Variants in WNK2 observed in about 807,000 individuals in gnomAD.
WNK2 encodes the protein serine/threonine-protein kinase WNK2.
In WNK2, 67 loss-of-function variants were observed where a neutral mutation model predicts 192.1. The observed-to-expected ratio is 0.35, with a 90% CI of 0.29 to 0.43. The LOEUF is 0.43. Ranked by LOEUF, WNK2 falls within the 20% of genes least tolerant of loss-of-function variation. The pLI, the probability that WNK2 is intolerant of heterozygous loss-of-function variation, is 1.00. For synonymous variants in WNK2, 1,439 were observed against 1,393.9 expected (o/e 1.03, Z -0.72); for missense variants, 2,698 against 3,089.7 (o/e 0.87, Z 3.01).
intron 8 of WNK2, among the ~76,000 whole-genome samples, chr9:93,249,361 G>A (rs1842212204): frequency 6.6e-6 from 1 of 152,232 alleles, no homozygotes; most frequent in Admixed American, 6.5e-5. Context: ...TCGACTGACT[G>A]ATGATTGCAA....
intron 7 of WNK2, among the ~76,000 whole-genome samples, chr9:93,241,831 G>A (rs1348653019): frequency 6.6e-6 from 1 of 152,068 alleles, no homozygotes; most frequent in African/African-American, 2.4e-5. Flanking sequence ...TGAGGTCAGT[G>A]CAGGGAGCAG....
chr9:93,257,020 G>A lies in WNK2; in HGVS notation c.2263G>A (p.Val755Ile), dbSNP rs771924917. The A allele has an allele frequency of 3.1e-6, 5 of 1,602,794 alleles. No individual in the cohort carries two copies. Among genetic ancestry groups the A allele is most frequent in the East Asian group, 2.2e-5 (1 of 44,486 alleles). ...APQPVVPLQPVPPHLPPYLAP... is the reference protein window; with the variant it reads ...APQPVVPLQPIPPHLPPYLAP... Reference sequence around the variant, plus strand: ...ACAGCCCGTGGTCCCCCTCCAGCCGGTTCCCCCCCACCTGCCACCGTACCT... The same window carrying A: ...ACAGCCCGTGGTCCCCCTCCAGCCGATTCCCCCCCACCTGCCACCGTACCT... The change falls in exon 11 of 30, where the codon GTT (valine) becomes ATT (isoleucine). Residue 755 changes from valine to isoleucine, a missense_variant. Val to Ile is a conservative substitution (Grantham distance 29). Coordinates refer to ENST00000427277, the MANE Select transcript of WNK2 (RefSeq NM_006648.4). This position sits in a 1 kb window ranked among gnomAD's most constrained non-coding sequence, Gnocchi z 4.7.
At chr9:93,304,625 G>A (rs1225856763) in intron 26 of WNK2, among the ~76,000 whole-genome samples, 2 of 152,238 alleles carry the variant, frequency 1.3e-5, no homozygotes, top group Admixed American at 6.5e-5. Flanking sequence ...TCCTGGCACA[G>A]AGCGAGTGGC....
chr9:93,292,431 C>T (rs1849507934), intron 22 of WNK2, 35 bp downstream of exon 22: 2 of 1,613,838 alleles, frequency 1.2e-6, no homozygotes, highest in Admixed American at 1.7e-5. Context: ...GGCTGGTTGG[C>T]AGGGTTTGCT....
chr9:93,269,097 C>G (rs1564136041), intron 19 of WNK2: 12 of 741,408 alleles, frequency 1.6e-5, no homozygotes, highest in Non-Finnish European at 2.0e-5. Flanking sequence ...ACACCTGCAG[C>G]AGACACGCCT....
chr9:93,297,362 C>A (rs1850774853), intron 23 of WNK2, among the ~76,000 whole-genome samples: 1 of 152,174 alleles, frequency 6.6e-6, no homozygotes, highest in Admixed American at 6.5e-5. Context: ...TGTGGCATGG[C>A]CCCTGGAAGT....
In WNK2 at chr9:93,239,766, C is replaced by A. The variant is rs1313264461; in HGVS notation, c.1332C>A (p.Ile444=). The change falls in exon 7 of 30, where the codon ATC becomes ATA. Residue 444 remains isoleucine (I), a synonymous_variant. Coordinates refer to ENST00000427277, the MANE Select transcript of WNK2 (RefSeq NM_006648.4). This position sits in a 1 kb window ranked among gnomAD's most constrained non-coding sequence, Gnocchi z 4.2. ...GCTGCTCTCCCTCCAGGTACGAGAT[C>A]AAAGACCTGCTGAGCCACGCCTTCT... The part of the protein sequence containing the change: ...ICKNKEERYE[I]KDLLSHAFFA... 1 of 1,554,686 alleles carries A rather than the reference C, an allele frequency of 6.4e-7. No individual in the cohort carries two copies.
At chr9:93,266,455 A>G (rs568887615) in intron 16 of WNK2, among the ~76,000 whole-genome samples, 78 of 152,258 alleles carry the variant, frequency 5.1e-4, no homozygotes, top group Non-Finnish European at 9.7e-4. Flanking sequence ...TTGAAAAGAA[A>G]CATAATAGGA....
chr9:93,238,814 C>T (rs958853884), intron 6 of WNK2, among the ~76,000 whole-genome samples: 9 of 152,156 alleles, frequency 5.9e-5, no homozygotes, highest in African/African-American at 2.2e-4. Context: ...CCTGGAACCG[C>T]TCCACAAAGC....
Position 93,247,055 on chromosome 9 carries a change from C to T in WNK2, c.1543-488C>T, listed in dbSNP as rs557035030. Among the ~76,000 whole-genome samples the T allele has an allele frequency of 6.6e-6, 1 of 152,336 alleles. No individual in the cohort carries two copies. The highest frequency in any genetic ancestry group is 2.1e-4 in the South Asian group (1 of 4,824). On this transcript the variant is annotated intron_variant, in intron 7 of 29. Coordinates refer to ENST00000427277, the MANE Select transcript of WNK2 (RefSeq NM_006648.4). This position sits in a 1 kb window ranked among gnomAD's most constrained non-coding sequence, Gnocchi z 5.2. ...AAATTTGCCAGGCATCAGTGCATAC[C>T]TTACTGGTCCCTAATTACAAAACGC...
At position 93,257,136 on chromosome 9, in the gene WNK2, G is replaced by T. The variant is rs141246477; in HGVS notation, c.2379G>T (p.Pro793=). 1 of 1,607,214 alleles carries T rather than the reference G, an allele frequency of 6.2e-7. No homozygotes were observed. The highest frequency in any genetic ancestry group is 8.5e-7 in the Non-Finnish European group (1 of 1,178,692). The change falls in exon 11 of 30, where the codon CCG becomes CCT. Residue 793 remains proline (P), a synonymous_variant. Transcript: ENST00000427277. This position sits in a 1 kb window ranked among gnomAD's most constrained non-coding sequence, Gnocchi z 4.7. The part of the protein sequence containing the change: ...APLQPLAQVP[P]QMPPIPVVPP... ...TGCAGCCGCTTGCTCAAGTCCCTCC[G>T]CAGGTAATTCTAGGTTGATGGCTGC...
intron 7 of WNK2, among the ~76,000 whole-genome samples, chr9:93,241,245 G>A (rs572137710): frequency 6.6e-6 from 1 of 152,360 alleles, no homozygotes; most frequent in East Asian, 1.9e-4. Flanking sequence ...AGGAATGTCT[G>A]CACCGGAACA....
At position 93,263,582 on chromosome 9, in the gene WNK2, G is replaced by T. The variant is rs1168487226; in HGVS notation, c.3427G>T (p.Val1143Phe). The T allele has an allele frequency of 6.2e-7, 1 of 1,611,544 alleles. No homozygotes were observed. ...TTTGCTCAGCTATGGAGGTTCTGAT[G>T]TCACTTCTGGAAAAGAGCTGAGTGA... ...QSCESYGGSD[V>F]TSGKELSDSC... Residue 1143 changes from valine (V) to phenylalanine (F), a missense_variant, in exon 15 of 30, where the codon GTC (valine) becomes TTC (phenylalanine). Val to Phe is a conservative substitution (Grantham distance 50). Transcript: ENST00000427277.
In WNK2 at chr9:93,238,198, G is replaced by A. The variant is rs143881727; in HGVS notation, c.1234-35G>A. The stretch of plus-strand genomic sequence containing the variant: ...GTGGAGGCCTCGCCTTCCGGCAGCC[G>A]ATCGGGTCAGGTAACTCTGCTCTCT... On this transcript the variant is annotated intron_variant, in intron 5 of 29. Coordinates refer to ENST00000427277, the MANE Select transcript of WNK2 (RefSeq NM_006648.4). 3,910 of 1,606,884 alleles carry A rather than the reference G, an allele frequency of 2.4e-3. 65 individuals carry two copies. The African/African-American group carries it at 0.03, about 12-fold the overall frequency.
At chr9:93,253,261 C>T (rs892961696) in intron 9 of WNK2, among the ~76,000 whole-genome samples, 179 bp downstream of exon 9, 8 of 152,020 alleles carry the variant, frequency 5.3e-5, no homozygotes, top group Admixed American at 2.6e-4. Flanking sequence ...AAAAGCCAGG[C>T]CCAGAGGAAA....
chr9:93,268,859 C>G, intron 19 of WNK2, 113 bp downstream of exon 19: 1 of 1,573,892 alleles, frequency 6.4e-7, no homozygotes, highest in Middle Eastern at 1.7e-4. Context: ...GGGGGCTCAC[C>G]CTGCCCTGTC....
rs142296060 is a variant in WNK2 at position 93,217,279 on chromosome 9, C to T, written c.682-12417C>T. On this transcript the variant is annotated intron_variant, in intron 2 of 29. Coordinates refer to ENST00000427277, the MANE Select transcript of WNK2 (RefSeq NM_006648.4). The stretch of plus-strand genomic sequence containing the variant: ...GCCCAAAAAATCTTTTAAGAAGATA[C>T]TACGCCGCTGCCACGTACTGTGCAC... 1.6e-3 allele frequency among the ~76,000 whole-genome samples: 240 copies of T among 152,330 alleles called. 2 individuals carry two copies. The highest frequency in any genetic ancestry group is 6.8e-3 in the Middle Eastern group (2 of 294).
chr9:93,207,461 C>T (rs1358356523), intron 2 of WNK2, among the ~76,000 whole-genome samples: 1 of 152,194 alleles, frequency 6.6e-6, no homozygotes, highest in East Asian at 1.9e-4. Flanking sequence ...CAGTAGGTGT[C>T]CAGTGCACGC....
rs368897529 is a variant in WNK2, at chr9:93,299,272, G to A, written c.6115+11G>A. 3.9e-6 allele frequency: 6 copies of A among 1,553,136 alleles called. No individual in the cohort carries two copies. The highest frequency in any genetic ancestry group is 2.7e-5 in the African/African-American group (2 of 73,920). On this transcript the variant is annotated intron_variant, in intron 25 of 29. Coordinates refer to ENST00000427277, the MANE Select transcript of WNK2 (RefSeq NM_006648.4). The stretch of plus-strand genomic sequence containing the variant: ...GAGCGCGTGGCCAAGGTGATTTCCA[G>A]CTTGCCTGTCTCCGAGCATGTGCTA...
Sources: allele counts gnomAD v4.1 joint callset (sites outside exome capture counted in the v4.1 genomes callset), GRCh38; gene constraint gnomAD v4.1.1; non-coding constraint Gnocchi (gnomAD v3.1); transcripts MANE v1.5; gene names NCBI Gene and HGNC (gene_info 2026-07-23, HGNC 2026-07-21).